KSR2: variants seen among roughly 807,000 people sequenced by gnomAD.
The protein encoded by KSR2 is kinase suppressor of ras 2.
A neutral mutation model predicts 107.8 loss-of-function variants in KSR2; 25 were observed. The ratio of observed to expected loss-of-function variants is 0.23; its 90% CI spans 0.17 to 0.32. KSR2 has a LOEUF of 0.32. Ranked by LOEUF, KSR2 falls within the 10% of genes least tolerant of loss-of-function variation. KSR2 has a pLI of 1.00. For missense variants in KSR2, 887 were observed against 1,268.9 expected (o/e 0.70, Z 4.57); for synonymous variants, 480 against 507.0 (o/e 0.95, Z 0.71).
intron 1 of KSR2, among the ~76,000 whole-genome samples, chr12:117,956,859 T>C (rs754172554): frequency 2.0e-5 from 3 of 152,242 alleles, no homozygotes; most frequent in South Asian, 2.1e-4. Flanking sequence ...CGTATTTCCG[T>C]TGGTCAATGG....
chr12:117,783,272 C>T (rs1889946980), intron 3 of KSR2, among the ~76,000 whole-genome samples: 1 of 152,140 alleles, frequency 6.6e-6, no homozygotes, highest in South Asian at 2.1e-4. Flanking sequence ...CCCCTGACCC[C>T]AAGGGTCCCA....
chr12:117,742,883 G>A (rs1888274709), intron 4 of KSR2, among the ~76,000 whole-genome samples: 1 of 152,182 alleles, frequency 6.6e-6, no homozygotes, highest in African/African-American at 2.4e-5. Context: ...ATGTCATGAA[G>A]AAATCCACAT....
In KSR2 at chr12:117,755,409, C is replaced by T. The variant is rs149349760; in HGVS notation, c.986+5602G>A. 2.4e-3 allele frequency among the ~76,000 whole-genome samples: 369 copies of T among 152,296 alleles called. 4 individuals carry two copies. Among genetic ancestry groups the T allele is most frequent in the African/African-American group, 8.5e-3 (355 of 41,566 alleles). On this transcript the variant is annotated intron_variant, in intron 4 of 19. Coordinates refer to ENST00000339824, the MANE Select transcript of KSR2 (RefSeq NM_173598.6). Reference sequence around the variant, plus strand: ...CATTTTGGTCATTCTAGCAATATTTCTAACTTTTTCATTATTATTATATCT... The same window carrying T: ...CATTTTGGTCATTCTAGCAATATTTTTAACTTTTTCATTATTATTATATCT...
chr12:117,731,845 T>C (rs1045693283), intron 4 of KSR2, among the ~76,000 whole-genome samples: 8 of 145,992 alleles, frequency 5.5e-5, no homozygotes, highest in South Asian at 4.6e-4. Context: ...AGCATGCTCC[T>C]TAAGAGTCAT....
At chr12:117,699,556 A>G (rs7300636) in intron 4 of KSR2, among the ~76,000 whole-genome samples, 1,671 of 152,302 alleles carry the variant, frequency 0.011, 32 homozygotes, top group African/African-American at 0.037. Flanking sequence ...CTGTAATGCA[A>G]TGTAATTATT....
intron 16 of KSR2, among the ~76,000 whole-genome samples, chr12:117,478,146 T>C (rs1470711573): frequency 6.6e-6 from 1 of 152,146 alleles, no homozygotes; most frequent in Admixed American, 6.5e-5. Flanking sequence ...GCCTCCAGCA[T>C]GAAGGTCTCT....
intron 5 of KSR2, among the ~76,000 whole-genome samples, chr12:117,607,411 T>C (rs1211540137): frequency 2.0e-5 from 3 of 152,152 alleles, no homozygotes; most frequent in African/African-American, 4.8e-5. Context: ...GATGCCCAGC[T>C]GGTAGGAGGC....
chr12:117,539,822 C>A lies in KSR2; in HGVS notation c.1584G>T (p.Thr528=), dbSNP rs753143776. ...GGAGGGGGGGTGCTGGCGAGGAGGG[C>A]GTGGAGGACGTCGTGGAGGAGGGGT... is the stretch of plus-strand genomic sequence containing the variant. ...SSNPSSTTSS[T]PSSPAPPLPP... The change falls in exon 10 of 20, where the codon ACG becomes ACT. Residue 528 remains threonine, a synonymous_variant. Transcript: ENST00000339824. The A allele has an allele frequency of 1.9e-6, 3 of 1,610,104 alleles. No homozygotes were observed. The highest frequency in any genetic ancestry group is 8.5e-7 in the Non-Finnish European group (1 of 1,178,458).
intron 4 of KSR2, among the ~76,000 whole-genome samples, chr12:117,694,345 T>C (rs1295753419): frequency 6.6e-6 from 1 of 152,150 alleles, no homozygotes; most frequent in Non-Finnish European, 1.5e-5. Context: ...TAAATGGTAG[T>C]TCCCCTGCAC....
intron 3 of KSR2, among the ~76,000 whole-genome samples, chr12:117,821,491 A>G (rs953185314): frequency 7.2e-5 from 11 of 152,236 alleles, no homozygotes; most frequent in African/African-American, 2.7e-4. Flanking sequence ...TTGTAGGAAT[A>G]CGTATATTCA....
At chr12:117,598,085 C>T (rs892981387) in intron 5 of KSR2, among the ~76,000 whole-genome samples, 2 of 152,152 alleles carry the variant, frequency 1.3e-5, no homozygotes, top group African/African-American at 4.8e-5. Flanking sequence ...GCACCCATCA[C>T]CCAAGCAGTG....
chr12:117,652,388 T>C (rs1430237749), intron 5 of KSR2, among the ~76,000 whole-genome samples: 1 of 152,184 alleles, frequency 6.6e-6, no homozygotes, highest in Non-Finnish European at 1.5e-5. Flanking sequence ...AATCACAGTG[T>C]TCCTAGAAGT....
chr12:117,754,520 C>A (rs894871541), intron 4 of KSR2, among the ~76,000 whole-genome samples: 1 of 152,120 alleles, frequency 6.6e-6, no homozygotes, highest in African/African-American at 2.4e-5. Flanking sequence ...CACCTGTAAT[C>A]CCAGCTGCTC....
At chr12:117,759,239 C>T (rs777839148) in intron 4 of KSR2, among the ~76,000 whole-genome samples, 2 of 152,178 alleles carry the variant, frequency 1.3e-5, no homozygotes, top group African/African-American at 4.8e-5. Flanking sequence ...TGGTAAATCA[C>T]AGTTCATGGG....
At chr12:117,737,823 T>C (rs1196936640) in intron 4 of KSR2, among the ~76,000 whole-genome samples, 3 of 144,562 alleles carry the variant, frequency 2.1e-5, no homozygotes, top group Non-Finnish European at 3.0e-5. Flanking sequence ...TGTTAAAGCC[T>C]CATCTTAAGC....
At chr12:117,645,894 T>C (rs1883606164) in intron 5 of KSR2, among the ~76,000 whole-genome samples, 1 of 151,076 alleles carries the variant, frequency 6.6e-6, no homozygotes, top group East Asian at 2.0e-4. Context: ...TGTGTGTGTG[T>C]GTGTGTGTGT....
chr12:117,759,222 C>G (rs1888909475), intron 4 of KSR2, among the ~76,000 whole-genome samples: 1 of 152,206 alleles, frequency 6.6e-6, no homozygotes, highest in Non-Finnish European at 1.5e-5. Flanking sequence ...CGGCTTCAGA[C>G]AGGGCTTGGT....
chr12:117,915,024 A>G (rs936772026), intron 1 of KSR2, among the ~76,000 whole-genome samples: 4 of 152,248 alleles, frequency 2.6e-5, no homozygotes, highest in Non-Finnish European at 5.9e-5. Flanking sequence ...AAATGTTAGC[A>G]GGGATACAAG....
At chr12:117,828,909 G>A (rs1235893740) in intron 3 of KSR2, among the ~76,000 whole-genome samples, 3 of 152,224 alleles carry the variant, frequency 2.0e-5, no homozygotes, top group African/African-American at 4.8e-5. Flanking sequence ...GGCCTCAGAA[G>A]GTGGGGAGTC....
Sources: allele counts gnomAD v4.1 joint callset (sites outside exome capture counted in the v4.1 genomes callset), GRCh38; gene constraint gnomAD v4.1.1; transcripts MANE v1.5; gene names NCBI Gene and HGNC (gene_info 2026-07-23, HGNC 2026-07-21).